The following CCDC197 variants were observed in gnomAD, a reference collection of about 807,000 sequenced individuals.
CCDC197 encodes coiled-coil domain containing 197.
Under a neutral mutation model 13.4 loss-of-function variants are expected in CCDC197, and 24 were observed. That is an observed-to-expected ratio of 1.80 (90% confidence interval 1.30 to 2.53). CCDC197 has a LOEUF of 2.53. Ranked by LOEUF, CCDC197 falls within the 30% of genes most tolerant of loss-of-function variation. The pLI, the probability that CCDC197 is intolerant of heterozygous loss-of-function variation, is 0.00. For missense variants in CCDC197, 255 were observed against 148.8 expected (o/e 1.71, Z -3.71); for synonymous variants, 99 against 55.5 (o/e 1.78, Z -3.48).
chr14:94,004,412 A>G (rs533181562), intron 5 of CCDC197, among the ~76,000 whole-genome samples: 2 of 152,036 alleles, frequency 1.3e-5, no homozygotes, highest in Non-Finnish European at 2.9e-5. Flanking sequence ...CTTGGGGGCT[A>G]TTGGCTGCTG....
At chr14:94,007,193 A>G (rs953698524) in intron 6 of CCDC197, 6 of 152,212 alleles carry the variant, frequency 3.9e-5, no homozygotes, top group African/African-American at 1.4e-4. Context: ...CTAAAAAGCC[A>G]TTACCTAATC....
At chr14:93,996,701 A>G (rs1344335621), upstream of CCDC197, among the ~76,000 whole-genome samples, 1 of 152,132 alleles carries the variant, frequency 6.6e-6, no homozygotes, top group Non-Finnish European at 1.5e-5. Flanking sequence ...GAGCCAATGG[A>G]AGCCTTTGAG....
intron 1 of CCDC197, among the ~76,000 whole-genome samples, chr14:93,990,379 C>T (rs891654612): frequency 6.6e-6 from 1 of 152,178 alleles, no homozygotes; most frequent in Non-Finnish European, 1.5e-5. Flanking sequence ...TACTTGACCT[C>T]GTTAGCCGTG....
At chr14:94,002,055 A>G (rs994311445) in intron 4 of CCDC197, among the ~76,000 whole-genome samples, 5 of 152,194 alleles carry the variant, frequency 3.3e-5, no homozygotes, top group African/African-American at 7.2e-5. Flanking sequence ...AGCACTTTAC[A>G]TGCTTTATCT....
intron 6 of CCDC197, chr14:94,007,197 C>A (rs912306094): frequency 1.3e-5 from 2 of 152,174 alleles, no homozygotes; most frequent in African/African-American, 4.8e-5. Flanking sequence ...AAAGCCATTA[C>A]CTAATCCAGG....
upstream of CCDC197, among the ~76,000 whole-genome samples, chr14:93,996,634 A>G (rs972762792): frequency 1.8e-4 from 27 of 151,614 alleles, no homozygotes; most frequent in Admixed American, 3.3e-4. Flanking sequence ...CGTTCCTCCC[A>G]GTGGAGCCCA....
At chr14:93,993,450 T>C (rs1176444272), upstream of CCDC197, among the ~76,000 whole-genome samples, 1 of 152,280 alleles carries the variant, frequency 6.6e-6, no homozygotes, top group African/African-American at 2.4e-5. Flanking sequence ...CCCTGGGTGC[T>C]ATTACCCACA....
downstream of CCDC197, among the ~76,000 whole-genome samples, chr14:94,010,364 T>A (rs1488186396): frequency 6.6e-6 from 1 of 152,142 alleles, no homozygotes; most frequent in African/African-American, 2.4e-5. Context: ...CCACCATGCC[T>A]GGCTAATTTT....
At chr14:94,007,246 T>TAGTTTTTGC (rs1489498416) in intron 6 of CCDC197, 3 of 152,272 alleles carry the variant, frequency 2.0e-5, no homozygotes, top group Non-Finnish European at 4.4e-5. Context: ...GAGAAGTTTA[T>TAGTTTTTGC]AGTTTTTGCT....
chr14:93,989,329 T>G (rs57780763), intron 1 of CCDC197, among the ~76,000 whole-genome samples: 2,535 of 152,236 alleles, frequency 0.017, 74 homozygotes, highest in African/African-American at 0.054. Context: ...TATGAAAATT[T>G]CGGGCTGCTC....
In CCDC197 at chr14:93,999,374, G is replaced by A. The variant is rs1016827089; in HGVS notation, c.105-209G>A. 24 of 554,008 alleles carry A rather than the reference G, an allele frequency of 4.3e-5. No homozygotes were observed. The Admixed American group carries it at 6.3e-4, about 15-fold the overall frequency. 34.3% of individuals were successfully genotyped at this position (554,008 alleles called of 1,614,324 possible). A position where few individuals can be genotyped will look rare whatever the true frequency, so the allele number is the denominator to read the frequency against. ...CTGCCTGGGAGATGCTGCTATGGGCGTTTATTTGATCTGCTTGTGGCTCAG... is the reference window on the plus strand; with the variant it reads ...CTGCCTGGGAGATGCTGCTATGGGCATTTATTTGATCTGCTTGTGGCTCAG... On this transcript the variant is annotated intron_variant, in intron 2 of 6. Transcript: ENST00000636493.
At chr14:93,997,157 G>T (rs1410155125), upstream of CCDC197, 1 of 152,284 alleles carries the variant, frequency 6.6e-6, no homozygotes, top group Non-Finnish European at 1.5e-5. Context: ...CTGGGAGTTG[G>T]GGGTGGGAGG....
chr14:94,001,106 G>A (rs780817947), intron 3 of CCDC197, 39 bp from the exon 4 acceptor site: 2 of 724,426 alleles, frequency 2.8e-6, no homozygotes, highest in Non-Finnish European at 2.6e-6. Context: ...GCCCACTGCA[G>A]GGGCACCCAC....
At chr14:94,001,631 C>T (rs1890513501) in intron 4 of CCDC197, 1 of 262,662 alleles carries the variant, frequency 3.8e-6, no homozygotes, top group Non-Finnish European at 7.2e-6. Flanking sequence ...TTTGTAGCCT[C>T]TCTGAGCCTC....
chr14:93,988,510 G>A, intron 1 of CCDC197, among the ~76,000 whole-genome samples: 1 of 7,776 alleles, frequency 1.3e-4, no homozygotes, highest in African/African-American at 8.1e-4. Context: ...GGGATGGGAG[G>A]AGGGGATGGG....
chr14:93,998,201 G>C lies in CCDC197; in HGVS notation c.70G>C (p.Gly24Arg). 1.3e-6 allele frequency: 1 copy of C among 780,672 alleles called. No individual in the cohort carries two copies. The highest frequency in any genetic ancestry group is 2.4e-6 in the Non-Finnish European group (1 of 418,128). The allele number at this position is 780,672 out of a possible 1,614,324, so 48.4% of individuals were successfully genotyped here. A position where few individuals can be genotyped will look rare whatever the true frequency, so the allele number is the denominator to read the frequency against. ...NPGDKEGDLQGLWQELYQLQA... is the reference protein window; with the variant it reads ...NPGDKEGDLQRLWQELYQLQA... ...TGGTGACAAGGAAGGGGACCTTCAAGGGCTGTGGCAGGAACTCTACCAGCT... is the reference window on the plus strand; with the variant it reads ...TGGTGACAAGGAAGGGGACCTTCAACGGCTGTGGCAGGAACTCTACCAGCT... The change falls in exon 2 of 7, where the codon GGG (glycine) becomes CGG (arginine). Residue 24 changes from glycine to arginine, a missense_variant. Transcript: ENST00000636493.
chr14:94,010,747 C>G (rs188743801), downstream of CCDC197, among the ~76,000 whole-genome samples: 5 of 152,296 alleles, frequency 3.3e-5, no homozygotes, highest in East Asian at 9.7e-4. Context: ...CCCCAAACAC[C>G]AGGCTGAGGT....
intron 6 of CCDC197, among the ~76,000 whole-genome samples, 200 bp from the exon 7 acceptor site, chr14:94,008,409 G>T (rs1171866883): frequency 1.3e-5 from 2 of 152,196 alleles, no homozygotes; most frequent in Non-Finnish European, 2.9e-5. Context: ...ACTCCTGGCT[G>T]TGCCACATCA....
chr14:94,010,297 G>A (rs961928323), downstream of CCDC197, among the ~76,000 whole-genome samples: 2 of 152,124 alleles, frequency 1.3e-5, no homozygotes, highest in African/African-American at 2.4e-5. Context: ...TCCACCTCCC[G>A]GGTTTAAGCG....
Sources: gnomAD v4.1 joint callset for allele counts (sites outside exome capture counted in the v4.1 genomes callset) on GRCh38, gnomAD v4.1.1 for gene constraint, MANE v1.5 for transcripts, NCBI Gene and HGNC (gene_info 2026-07-23, HGNC 2026-07-21) for gene names.